GLE1: variants seen among roughly 807,000 people sequenced by gnomAD.
GLE1 encodes the protein mRNA export factor GLE1.
A neutral mutation model predicts 97.3 loss-of-function variants in GLE1; 78 were observed. That is an observed-to-expected ratio of 0.80 (90% CI 0.67 to 0.97). The LOEUF is 0.97. Among genes scored for constraint, GLE1 ranks in the 50% least tolerant of loss-of-function variants. GLE1 has a pLI of 0.00. For missense variants in GLE1, 753 were observed against 857.5 expected (o/e 0.88, Z 1.52); for synonymous variants, 302 against 313.4 (o/e 0.96, Z 0.39).
intron 2 of GLE1, among the ~76,000 whole-genome samples, chr9:128,511,721 T>A (rs78252861): frequency 8.0e-4 from 120 of 150,018 alleles, no homozygotes; most frequent in African/African-American, 2.9e-3. Context: ...AAAAAAAAAA[T>A]TAACGTGATC....
At chr9:128,515,674 C>G (rs747505993) in intron 3 of GLE1, 35 bp downstream of exon 3, 1 of 1,121,604 alleles carries the variant, frequency 8.9e-7, no homozygotes, top group Admixed American at 1.8e-5. Flanking sequence ...AGCCTTGATC[C>G]TGCGAGCCAC....
At chr9:128,518,195 A>G (rs1228296345) in intron 3 of GLE1, among the ~76,000 whole-genome samples, 2 of 151,510 alleles carry the variant, frequency 1.3e-5, no homozygotes, top group Non-Finnish European at 2.9e-5. Flanking sequence ...CACGGTAGTC[A>G]TAAAGTCCAC....
Position 128,540,379 on chromosome 9 carries a change from G to A in GLE1, c.2028+41G>A, listed in dbSNP as rs759256574. On this transcript the variant is annotated intron_variant, in intron 15 of 15. Coordinates refer to ENST00000309971, the MANE Select transcript of GLE1 (RefSeq NM_001003722.2). ...ACCAACATGCCCCACACTGTTGTTG[G>A]GCTGGAATGCACCTATGTCTGACAA... 9 of 1,272,146 alleles carry A rather than the reference G, an allele frequency of 7.1e-6. No individual in the cohort carries two copies. The East Asian group carries it at 2.1e-4, about 29-fold the overall frequency. The allele number at this position is 1,272,146 out of a possible 1,614,324, so 78.8% of individuals were successfully genotyped here.
chr9:128,529,869 C>T (rs1014141382), intron 9 of GLE1, among the ~76,000 whole-genome samples: 2 of 152,088 alleles, frequency 1.3e-5, no homozygotes, highest in African/African-American at 2.4e-5. Context: ...CTCCACCTCC[C>T]GGGTTCACGC....
At chr9:128,518,097 G>A (rs145170310) in intron 3 of GLE1, among the ~76,000 whole-genome samples, 57 of 151,588 alleles carry the variant, frequency 3.8e-4, no homozygotes, top group African/African-American at 1.3e-3. Context: ...TTCCCATACT[G>A]ATTAGCTGTT....
At chr9:128,520,551 ACAT>A (rs1847124764) in intron 3 of GLE1, among the ~76,000 whole-genome samples, 1 of 151,774 alleles carries the variant, frequency 6.6e-6, no homozygotes, top group African/African-American at 2.4e-5. Flanking sequence ...TTGTCTACAA[ACAT>A]TTAGCCGGTA....
chr9:128,540,954 G>T, intron 15 of GLE1, 148 bp from the exon 16 acceptor site: 2 of 679,138 alleles, frequency 2.9e-6, no homozygotes, highest in East Asian at 2.7e-5. Flanking sequence ...ATCTTATACA[G>T]AACCATCAGT....
At chr9:128,518,619 C>T (rs1205800520) in intron 3 of GLE1, among the ~76,000 whole-genome samples, 1 of 151,558 alleles carries the variant, frequency 6.6e-6, no homozygotes, top group Non-Finnish European at 1.5e-5. Flanking sequence ...CTGGTAATCC[C>T]AGCACTTTGG....
rs374779242 is a variant in GLE1, at chr9:128,509,052, C to T, written c.276C>T (p.Ser92=). The T allele has an allele frequency of 1.7e-5, 27 of 1,613,674 alleles. No homozygotes were observed. Among genetic ancestry groups the T allele is most frequent in the Admixed American group, 1.5e-4 (9 of 59,998 alleles). ...PSFVPKSPDA[S]SAFSPASPAT... ...TTGTTCCCAAATCTCCTGACGCAAG[C>T]TCTGCCTTTTCCCCAGCCTCCCCTG... The change falls in exon 2 of 16, where the codon AGC becomes AGT. Residue 92 remains serine, a synonymous_variant. Coordinates refer to ENST00000309971, the MANE Select transcript of GLE1 (RefSeq NM_001003722.2).
rs760127458 is a variant in GLE1, at chr9:128,523,658, C to T, written c.709C>T (p.Arg237Trp). ...GAAGCAAGCAGAACAGGAGCGGCTTCGGAAGGAAGAAGGCCAGATCCGCCT... is the reference window on the plus strand; with the variant it reads ...GAAGCAAGCAGAACAGGAGCGGCTTTGGAAGGAAGAAGGCCAGATCCGCCT... ...RVKQAEQERL[R>W]KEEGQIRLRA... is the part of the protein sequence containing the mutation. Residue 237 changes from arginine (R) to tryptophan (W), a missense_variant, in exon 6 of 16, where the codon CGG (arginine) becomes TGG (tryptophan). Physicochemically the swap from Arg to Trp is moderately radical, Grantham distance 101. Coordinates refer to ENST00000309971, the MANE Select transcript of GLE1 (RefSeq NM_001003722.2). The T allele has an allele frequency of 1.9e-5, 30 of 1,613,966 alleles. No individual in the cohort carries two copies. The highest frequency in any genetic ancestry group is 4.5e-5 in the East Asian group (2 of 44,874).
intron 7 of GLE1, among the ~76,000 whole-genome samples, chr9:128,525,996 G>A (rs1199370876): frequency 6.6e-6 from 1 of 152,056 alleles, no homozygotes; most frequent in Non-Finnish European, 1.5e-5. Flanking sequence ...GTGGGAGTCT[G>A]GTTTTTGTTG....
rs762451631 is a variant in GLE1 at position 128,533,827 on chromosome 9, G to A, written c.1522G>A (p.Gly508Arg). 29 of 1,613,690 alleles carry A rather than the reference G, an allele frequency of 1.8e-5. No individual in the cohort carries two copies. Among genetic ancestry groups the A allele is most frequent in the Non-Finnish European group, 2.3e-5 (27 of 1,179,708 alleles). Residue 508 changes from glycine to arginine, a missense_variant, in exon 11 of 16, where the codon GGG (glycine) becomes AGG (arginine). Transcript: ENST00000309971. The part of the protein sequence containing the change: ...AAFPIAVVAS[G>R]IWELHPRVGD... The stretch of plus-strand genomic sequence containing the variant: ...ATTCCCCATTGCAGTTGTGGCATCC[G>A]GGATCTGGGAGCTCCACCCCAGAGT...
At chr9:128,516,031 A>G (rs1027883516) in intron 3 of GLE1, among the ~76,000 whole-genome samples, 1 of 148,474 alleles carries the variant, frequency 6.7e-6, no homozygotes, top group Non-Finnish European at 1.5e-5. Context: ...ATCTTGGCTC[A>G]CTGCAACCTC....
chr9:128,507,528 G>A (rs921999586), intron 1 of GLE1, among the ~76,000 whole-genome samples: 3 of 150,954 alleles, frequency 2.0e-5, no homozygotes, highest in African/African-American at 7.3e-5. Flanking sequence ...AGGCTGCAGT[G>A]AGCCGTGATC....
rs912934898 is a variant in GLE1, at chr9:128,508,978, G to A, written c.202G>A (p.Glu68Lys). ...TATGCAGGAGAACCAACCTCTGTCT[G>A]AGACTTCGCCATCCTCTACGTCAGC... Reference protein sequence around the residue: ...PHMQENQPLSETSPSSTSASA... With the variant: ...PHMQENQPLSKTSPSSTSASA... Residue 68 changes from glutamate (E) to lysine (K), a missense_variant, in exon 2 of 16, where the codon GAG (glutamate) becomes AAG (lysine). Glu to Lys is a moderately conservative substitution (Grantham distance 56). Coordinates refer to ENST00000309971, the MANE Select transcript of GLE1 (RefSeq NM_001003722.2). 1 of 1,611,844 alleles carries A rather than the reference G, an allele frequency of 6.2e-7. No individual in the cohort carries two copies. The highest frequency in any genetic ancestry group is 8.5e-7 in the Non-Finnish European group (1 of 1,177,926).
chr9:128,507,487 G>A (rs1846673095), intron 1 of GLE1, among the ~76,000 whole-genome samples: 2 of 151,984 alleles, frequency 1.3e-5, no homozygotes, highest in South Asian at 4.2e-4. Flanking sequence ...GAGAGGCTGA[G>A]GTGGGAGTAT....
At position 128,524,253 on chromosome 9, in the gene GLE1, A is replaced by AT. The variant is rs1388213306; in HGVS notation, c.897+414dup. Among the ~76,000 whole-genome samples, 4 of 150,846 alleles carry AT rather than the reference A, an allele frequency of 2.7e-5. No individual in the cohort carries two copies. In the East Asian group the frequency reaches 5.9e-4, roughly 22 times the overall value. The stretch of plus-strand genomic sequence containing the variant: ...ACCACCATGCCCTGCTAATTTTTGT[A>AT]TTTTTTTGTAGAGACAGGGTTTTGC... On this transcript the variant is annotated intron_variant, in intron 6 of 15. Transcript: ENST00000309971.
chr9:128,509,240 A>G (rs1846733993), intron 2 of GLE1, 143 bp downstream of exon 2: 8 of 696,478 alleles, frequency 1.1e-5, no homozygotes, highest in Non-Finnish European at 1.6e-5. Context: ...TGTTGACAGC[A>G]CCATTCAGTG....
rs527343119 is a variant in GLE1, at chr9:128,532,411, A to G, written c.1313-1102A>G. 3.0e-4 allele frequency among the ~76,000 whole-genome samples: 45 copies of G among 151,356 alleles called. 1 individual carries two copies. The highest frequency in any genetic ancestry group is 1.1e-3 in the African/African-American group (44 of 41,298). On this transcript the variant is annotated intron_variant, in intron 9 of 15. Coordinates refer to ENST00000309971, the MANE Select transcript of GLE1 (RefSeq NM_001003722.2). ...TGGCTAATTTTTGCATTTTTAGTAG[A>G]GACGAGGTATCACCATGTTGGTCAG...
Sources: allele counts gnomAD v4.1 joint callset (sites outside exome capture counted in the v4.1 genomes callset), GRCh38; gene constraint gnomAD v4.1.1; transcripts MANE v1.5; gene names NCBI Gene and HGNC (gene_info 2026-07-23, HGNC 2026-07-21).